The following ACTN3 variants were observed in gnomAD, a reference collection of about 807,000 sequenced individuals.
ACTN3 encodes alpha-actinin-3.
ACTN3 carries 91 observed loss-of-function variants against 119.6 expected under a neutral mutation model. The ratio of observed to expected loss-of-function variants is 0.76; its 90% confidence interval spans 0.64 to 0.91. ACTN3 has a LOEUF of 0.91. ACTN3 is among the 40% of genes least tolerant of loss of function. The pLI is 0.00. For missense variants in ACTN3, 1,221 were observed against 1,215.1 expected (o/e 1.00, Z -0.07); for synonymous variants, 456 against 478.8 (o/e 0.95, Z 0.62).
chr11:66,552,421 C>G (rs1857492441), intron 3 of ACTN3, among the ~76,000 whole-genome samples: 1 of 152,006 alleles, frequency 6.6e-6, no homozygotes, highest in Non-Finnish European at 1.5e-5. Flanking sequence ...AGCTCAGCCC[C>G]CAAACCCTAG....
At position 66,560,753 on chromosome 11, in the gene ACTN3, A is replaced by G. The variant is rs1451634741; in HGVS notation, c.1858A>G (p.Met620Val). 1 of 1,609,404 alleles carries G rather than the reference A, an allele frequency of 6.2e-7. No homozygotes were observed. Among genetic ancestry groups the G allele is most frequent in the Non-Finnish European group, 8.5e-7 (1 of 1,176,728 alleles). The change falls in exon 15 of 21, where the codon ATG becomes GTG. Residue 620 changes from methionine to valine, a missense_variant and splice_region_variant. This residue lies in a region of ACTN3 where 934 missense variants were observed against 899.9 expected (regional missense o/e 1.04). Coordinates refer to ENST00000513398, the MANE Select transcript of ACTN3 (RefSeq NM_001104.4). Reference sequence around the variant, plus strand: ...GCAGGACATCAACACCAAGTGGGATATGGTCAGTGCCACCTGCAGCCTTCC... The same window carrying G: ...GCAGGACATCAACACCAAGTGGGATGTGGTCAGTGCCACCTGCAGCCTTCC... ...SPQDINTKWD[M>V]VRKLVPSCDQ...
chr11:66,558,286 C>T (rs183130234), intron 11 of ACTN3, 112 bp downstream of exon 11: 1 of 1,447,106 alleles, frequency 6.9e-7, no homozygotes, highest in East Asian at 2.3e-5. Context: ...AGGTGCTCTG[C>T]AGGAAAGCCA....
chr11:66,554,520 C>T lies in ACTN3; in HGVS notation c.470-16C>T. 1 of 1,594,816 alleles carries T rather than the reference C, an allele frequency of 6.3e-7. No individual in the cohort carries two copies. The highest frequency in any genetic ancestry group is 8.6e-7 in the Non-Finnish European group (1 of 1,169,458). On this transcript the variant is annotated splice_polypyrimidine_tract_variant and intron_variant, in intron 4 of 20. Coordinates refer to ENST00000513398, the MANE Select transcript of ACTN3 (RefSeq NM_001104.4). ...GACCCCTTCCCAATGAATCCTCCCA[C>T]CTCCCCCCGACCCAGAAACCTCAGC...
At chr11:66,561,426 G>A (rs1857760229) in intron 16 of ACTN3, 32 bp from the exon 17 acceptor site, 2 of 1,603,532 alleles carry the variant, frequency 1.2e-6, no homozygotes, top group Admixed American at 1.7e-5. Context: ...CAGGGAGTTG[G>A]GAGCCCTCAT....
rs2134943883 is a variant in ACTN3 at position 66,562,348 on chromosome 11, G to A, written c.2388+26G>A. 1.9e-6 allele frequency: 3 copies of A among 1,611,118 alleles called. No homozygotes were observed. In the East Asian group the frequency reaches 6.7e-5, roughly 36 times the overall value. ...GTGAGAGCTCCCCAGCTCCTTCCCA[G>A]GAGTCCCAAAGTACCCCCTCCTCTG... On this transcript the variant is annotated intron_variant, in intron 19 of 20. Coordinates refer to ENST00000513398, the MANE Select transcript of ACTN3 (RefSeq NM_001104.4).
upstream of ACTN3, chr11:66,546,713 G>A: frequency 1.3e-6 from 2 of 1,535,414 alleles, no homozygotes; most frequent in Non-Finnish European, 1.7e-6. Flanking sequence ...TGCAAACCCA[G>A]GATCTCCGCC....
At chr11:66,562,742 A>G in intron 19 of ACTN3, 54 bp from the exon 20 acceptor site, 1 of 1,534,484 alleles carries the variant, frequency 6.5e-7, no homozygotes, top group South Asian at 1.2e-5. Context: ...GGACACTGGG[A>G]GCCCTCCTGG....
intron 3 of ACTN3, among the ~76,000 whole-genome samples, 192 bp from the exon 4 acceptor site, chr11:66,553,853 C>CAAAAAAAAAAAA (rs11448724): frequency 1.2e-5 from 1 of 81,772 alleles, no homozygotes; most frequent in Non-Finnish European, 2.4e-5. Flanking sequence ...GACTCCATCT[C>CAAAAAAAAAAAA]AAAAAAAAAA....
Position 66,559,257 on chromosome 11 carries a change from A to G in ACTN3, c.1298A>G (p.Gln433Arg). 6.4e-7 allele frequency: 1 copy of G among 1,559,234 alleles called. No homozygotes were observed. Among genetic ancestry groups the G allele is most frequent in the South Asian group, 1.2e-5 (1 of 85,312 alleles). ...WTRGKEEMLS[Q>R]RDYDSALLQE... is the part of the protein sequence containing the mutation. ...GCAGGAAAGGAGGAGATGCTGAGCC[A>G]GCGCGACTACGATTCGGCTTTGCTA... is the stretch of plus-strand genomic sequence containing the variant. Residue 433 changes from glutamine (Q) to arginine (R), a missense_variant, in exon 12 of 21, where the codon CAG becomes CGG. This residue lies in a region of ACTN3 where 934 missense variants were observed against 899.9 expected (regional missense o/e 1.04). Transcript: ENST00000513398.
At chr11:66,555,443 G>T in intron 7 of ACTN3, 76 bp downstream of exon 7, 1 of 1,477,262 alleles carries the variant, frequency 6.8e-7, no homozygotes, top group Non-Finnish European at 9.4e-7. Context: ...ACCTTTGCAC[G>T]GCCCTTTCCT....
chr11:66,562,034 G>A lies in ACTN3; in HGVS notation c.2188G>A (p.Gly730Ser). 1 of 1,611,008 alleles carries A rather than the reference G, an allele frequency of 6.2e-7. No individual in the cohort carries two copies. The highest frequency in any genetic ancestry group is 8.5e-7 in the Non-Finnish European group (1 of 1,178,734). ...TVYSMEHIRVGWEQLLTSIAR... is the reference protein window; with the variant it reads ...TVYSMEHIRVSWEQLLTSIAR... ...CCCTGACCGCCAGCACATCCGCGTG[G>A]GCTGGGAGCAGCTGCTCACCTCCAT... Residue 730 changes from glycine (G) to serine (S), a missense_variant, in exon 18 of 21, where the codon GGC becomes AGC. Coordinates refer to ENST00000513398, the MANE Select transcript of ACTN3 (RefSeq NM_001104.4).
chr11:66,548,950 A>C (rs1857419771), intron 1 of ACTN3, among the ~76,000 whole-genome samples: 1 of 152,048 alleles, frequency 6.6e-6, no homozygotes, highest in Admixed American at 6.6e-5. Context: ...ACGCCAAGCC[A>C]TTCATCTCCA....
chr11:66,551,212 G>T, intron 1 of ACTN3, 27 bp from the exon 2 acceptor site: 1 of 1,544,408 alleles, frequency 6.5e-7, no homozygotes. Flanking sequence ...CCAGTCGTAG[G>T]GTTTGAGTGC....
intron 1 of ACTN3, among the ~76,000 whole-genome samples, chr11:66,548,672 C>T (rs1857413702): frequency 6.6e-6 from 1 of 152,138 alleles, no homozygotes; most frequent in African/African-American, 2.4e-5. Flanking sequence ...CTCTATGCTC[C>T]CTTTCTCCCC....
At chr11:66,556,611 A>G (rs1322469590) in intron 8 of ACTN3, among the ~76,000 whole-genome samples, 1 of 151,230 alleles carries the variant, frequency 6.6e-6, no homozygotes, top group Admixed American at 6.6e-5. Context: ...TAATTTTTGT[A>G]TTTTTTGTAG....
chr11:66,560,788 C>A, intron 15 of ACTN3, 33 bp downstream of exon 15: 1 of 1,577,526 alleles, frequency 6.3e-7, no homozygotes, highest in Non-Finnish European at 8.6e-7. Context: ...CTCCCACCCC[C>A]TCCTGCATAC....
intron 1 of ACTN3, among the ~76,000 whole-genome samples, chr11:66,550,258 G>C (rs746244429): frequency 1.3e-5 from 2 of 152,210 alleles, no homozygotes; most frequent in Admixed American, 1.3e-4. Context: ...AGTTGGCCTT[G>C]GAGCCCACCC....
intron 1 of ACTN3, among the ~76,000 whole-genome samples, chr11:66,549,825 C>G (rs550911990): frequency 6.6e-6 from 1 of 151,166 alleles, no homozygotes; most frequent in Admixed American, 6.6e-5. Context: ...ATCTTAGACT[C>G]CAGGGTTGGA....
At chr11:66,555,057 G>A in intron 5 of ACTN3, 73 bp from the exon 6 acceptor site, 1 of 1,351,756 alleles carries the variant, frequency 7.4e-7, no homozygotes. Flanking sequence ...CTTCTGGGGG[G>A]TGCTCCTGGG....
Sources: gnomAD v4.1 joint callset for allele counts (sites outside exome capture counted in the v4.1 genomes callset) on GRCh38, gnomAD v4.1.1 for gene constraint, gnomAD v4.1.1 regional missense constraint, MANE v1.5 for transcripts, NCBI Gene and HGNC (gene_info 2026-07-23, HGNC 2026-07-21) for gene names.